FBN2: variants seen among roughly 807,000 people sequenced by gnomAD.
FBN2 encodes the protein fibrillin-2.
FBN2 carries 105 observed loss-of-function variants against 355.6 expected under a neutral mutation model. The observed-to-expected ratio is 0.30, with a 90% CI of 0.25 to 0.35. The LOEUF (loss-of-function observed/expected upper bound fraction) is 0.35, where lower values mean the gene tolerates loss of function less well. Among genes scored for constraint, FBN2 ranks in the 10% least tolerant of loss-of-function variants. FBN2 has a pLI of 1.00. For synonymous variants in FBN2, 1,350 were observed against 1,301.2 expected, an observed-to-expected ratio of 1.04 and a Z score of -0.81; for missense variants, 3,280 against 3,758.7, an observed-to-expected ratio of 0.87 and a Z score of 3.33.
At position 128,351,862 on chromosome 5, in the gene FBN2, C is replaced by T. The variant is rs1212602338; in HGVS notation, c.2675-857G>A. 2.0e-5 allele frequency among the ~76,000 whole-genome samples: 3 copies of T among 150,170 alleles called. No homozygotes were observed. In the East Asian group the frequency reaches 5.9e-4, roughly 30 times the overall value. On this transcript the variant is annotated intron_variant, in intron 20 of 64. Transcript: ENST00000262464. ...ATTACAGGCATGAGCCAGTGCGCCC[C>T]GCCCTTCTTTTTTTTTTTCTTTTAA...
chr5:128,326,981 A>AT (rs1190097159), intron 34 of FBN2, among the ~76,000 whole-genome samples: 15 of 152,182 alleles, frequency 9.9e-5, no homozygotes, highest in Non-Finnish European at 1.9e-4. Context: ...TAAAGAATTT[A>AT]TGTTGTTGAA....
intron 11 of FBN2, among the ~76,000 whole-genome samples, chr5:128,387,577 T>G (rs976758865): frequency 6.6e-5 from 10 of 152,176 alleles, no homozygotes; most frequent in African/African-American, 2.4e-4. Flanking sequence ...CCTTTCTAAC[T>G]TTTTGATGTG....
At chr5:128,330,436 A>G in intron 33 of FBN2, 137 bp downstream of exon 33, 2 of 839,232 alleles carry the variant, frequency 2.4e-6, no homozygotes, top group Non-Finnish European at 3.9e-6. Context: ...AGAAAGATAC[A>G]TAGTCACCTG....
At chr5:128,287,665 G>A (rs762536341) in intron 53 of FBN2, among the ~76,000 whole-genome samples, 4 of 152,118 alleles carry the variant, frequency 2.6e-5, no homozygotes, top group Non-Finnish European at 5.9e-5. Context: ...GAAACTCAGA[G>A]CAAACAACCA....
At chr5:128,350,099 T>A (rs1232608120) in intron 21 of FBN2, 94 bp from the exon 22 acceptor site, 5 of 1,103,102 alleles carry the variant, frequency 4.5e-6, no homozygotes, top group Admixed American at 1.8e-5. Flanking sequence ...TAAATGGAAC[T>A]AAATAAAAAA....
chr5:128,319,924 C>G (rs1750323807), intron 34 of FBN2, among the ~76,000 whole-genome samples: 1 of 152,180 alleles, frequency 6.6e-6, no homozygotes, highest in Non-Finnish European at 1.5e-5. Flanking sequence ...TCATTTTAGG[C>G]TAGACTAGAC....
intron 5 of FBN2, among the ~76,000 whole-genome samples, chr5:128,486,404 A>G (rs553361326): frequency 6.6e-6 from 1 of 152,314 alleles, no homozygotes; most frequent in South Asian, 2.1e-4. Flanking sequence ...AGTCACCATT[A>G]CCATATTAAT....
At chr5:128,293,440 C>T (rs1431286669) in intron 48 of FBN2, among the ~76,000 whole-genome samples, 1 of 151,138 alleles carries the variant, frequency 6.6e-6, no homozygotes, top group Non-Finnish European at 1.5e-5. Flanking sequence ...TGCAGTGAGC[C>T]AAGATAATGC....
intron 34 of FBN2, among the ~76,000 whole-genome samples, chr5:128,326,058 G>C (rs1280564338): frequency 1.3e-5 from 2 of 152,140 alleles, no homozygotes; most frequent in Non-Finnish European, 2.9e-5. Flanking sequence ...TGGTTCTTTA[G>C]CTGATTTTGT....
intron 7 of FBN2, among the ~76,000 whole-genome samples, chr5:128,413,855 G>A (rs577797787): frequency 6.6e-6 from 1 of 152,218 alleles, no homozygotes; most frequent in South Asian, 2.1e-4. Context: ...GGAATATTCT[G>A]TATAATATCT....
chr5:128,300,812 C>T lies in FBN2; in HGVS notation c.6166+5G>A, dbSNP rs763467660. The T allele has an allele frequency of 1.2e-6, 2 of 1,613,864 alleles. No individual in the cohort carries two copies. Among genetic ancestry groups the T allele is most frequent in the Admixed American group, 3.3e-5 (2 of 60,028 alleles). On this transcript the variant is annotated splice_donor_5th_base_variant and intron_variant, in intron 48 of 64. Coordinates refer to ENST00000262464, the MANE Select transcript of FBN2 (RefSeq NM_001999.4). ...AGTGGGCCTCAGAATAAATGTTACT[C>T]TTACCAATGCAGTTCTCGCTTTTTA... is the stretch of plus-strand genomic sequence containing the variant.
At chr5:128,521,071 G>A (rs544696843) in intron 4 of FBN2, among the ~76,000 whole-genome samples, 1 of 152,256 alleles carries the variant, frequency 6.6e-6, no homozygotes, top group East Asian at 1.9e-4. Flanking sequence ...GTATGCGTAT[G>A]TTCATTGCAG....
chr5:128,392,296 T>C (rs1752537290), intron 10 of FBN2, 141 bp from the exon 11 acceptor site: 1 of 740,806 alleles, frequency 1.3e-6, no homozygotes, highest in South Asian at 1.9e-5. Flanking sequence ...AAAACTTTAA[T>C]GTGGAGAATC....
intron 5 of FBN2, among the ~76,000 whole-genome samples, chr5:128,480,542 T>C (rs969408611): frequency 4.6e-5 from 7 of 152,144 alleles, no homozygotes; most frequent in African/African-American, 1.7e-4. Context: ...AATGACTGGC[T>C]TTTACAAAAA....
At chr5:128,508,519 C>A (rs1756024460) in intron 5 of FBN2, among the ~76,000 whole-genome samples, 1 of 151,940 alleles carries the variant, frequency 6.6e-6, no homozygotes, top group South Asian at 2.1e-4. Context: ...CACATCCCAG[C>A]CTCTGTGTAT....
At position 128,304,985 on chromosome 5, in the gene FBN2, C is replaced by T; in HGVS notation, c.5772G>A (p.Lys1924=). The T allele has an allele frequency of 6.2e-7, 1 of 1,613,964 alleles. No individual in the cohort carries two copies. The highest frequency in any genetic ancestry group is 8.5e-7 in the Non-Finnish European group (1 of 1,179,984). Residue 1924 remains lysine (K), a synonymous_variant, in exon 45 of 65, where the codon AAG becomes AAA. Coordinates refer to ENST00000262464, the MANE Select transcript of FBN2 (RefSeq NM_001999.4). ...SYQCICHNGF[K]ASQDQTMCMD... Reference sequence around the variant, plus strand: ...TGCACATGGTCTGGTCCTGAGAAGCCTTAAAGCCATTGTGGCAGATGCACT... The same window carrying T: ...TGCACATGGTCTGGTCCTGAGAAGCTTTAAAGCCATTGTGGCAGATGCACT...
Position 128,367,588 on chromosome 5 carries a change from A to G in FBN2, c.2249-1158T>C, listed in dbSNP as rs549752976. On this transcript the variant is annotated intron_variant, in intron 16 of 64. Coordinates refer to ENST00000262464, the MANE Select transcript of FBN2 (RefSeq NM_001999.4). ...TTTTACCATTACAAAATAAAAAAGA[A>G]TTTATATTCTATATGAAAATTATGT... Among the ~76,000 whole-genome samples the G allele has an allele frequency of 2.6e-3, 397 of 152,246 alleles. 2 individuals carry two copies. Among genetic ancestry groups the G allele is most frequent in the Non-Finnish European group, 4.3e-3 (291 of 68,008 alleles).
intron 8 of FBN2, among the ~76,000 whole-genome samples, chr5:128,401,652 G>A (rs573417336): frequency 5.3e-5 from 8 of 152,032 alleles, no homozygotes; most frequent in Middle Eastern, 3.2e-3. Context: ...GTGGTGGCAC[G>A]TTGCTGTAGT....
intron 5 of FBN2, among the ~76,000 whole-genome samples, chr5:128,465,786 A>C (rs949962665): frequency 1.3e-4 from 20 of 152,210 alleles, no homozygotes; most frequent in African/African-American, 4.8e-4. Flanking sequence ...TTCTTCTATG[A>C]ATATTAAGTA....
Sources: allele counts gnomAD v4.1 joint callset (sites outside exome capture counted in the v4.1 genomes callset), GRCh38; gene constraint gnomAD v4.1.1; transcripts MANE v1.5; gene names NCBI Gene and HGNC (gene_info 2026-07-23, HGNC 2026-07-21).